Variants in CACNA1S observed in about 807,000 individuals in gnomAD.
CACNA1S encodes voltage-dependent L-type calcium channel subunit alpha-1S.
In CACNA1S, 126 loss-of-function variants were observed where a neutral mutation model predicts 207.4. The observed-to-expected ratio is 0.61, with a 90% CI of 0.53 to 0.70. CACNA1S has a LOEUF of 0.70. Ranked by LOEUF, CACNA1S falls within the 30% of genes least tolerant of loss-of-function variation. The pLI is 0.00. For missense variants in CACNA1S, 2,349 were observed against 2,422.8 expected (o/e 0.97, Z 0.64); for synonymous variants, 960 against 932.7 (o/e 1.03, Z -0.53).
In CACNA1S at chr1:201,110,223, C is replaced by A; in HGVS notation, c.199G>T (p.Ala67Ser). 1 of 1,614,176 alleles carries A rather than the reference C, an allele frequency of 6.2e-7. No individual in the cohort carries two copies. The highest frequency in any genetic ancestry group is 8.5e-7 in the Non-Finnish European group (1 of 1,180,014). ...ILLTIFANCVALAVYLPMPED... is the reference protein window; with the variant it reads ...ILLTIFANCVSLAVYLPMPED... ...GGCATGGGCAGGTACACGGCCAGGG[C>A]CACACAATTGGCAAAGATGGTGAGC... Residue 67 changes from alanine to serine, a missense_variant, in exon 2 of 44, where the codon GCC becomes TCC. Transcript: ENST00000362061.
At position 201,061,418 on chromosome 1, in the gene CACNA1S, T is replaced by A. The variant is rs760744156; in HGVS notation, c.3104A>T (p.Tyr1035Phe). The A allele has an allele frequency of 2.4e-5, 39 of 1,614,176 alleles. 1 individual carries two copies. Among genetic ancestry groups the A allele is most frequent in the Non-Finnish European group, 3.3e-5 (39 of 1,179,996 alleles). Residue 1035 changes from tyrosine (Y) to phenylalanine (F), a missense_variant, in exon 25 of 44, where the codon TAC becomes TTC. By Grantham distance (22) the Tyr-to-Phe change is conservative. Transcript: ENST00000362061. Reference protein sequence around the residue: ...DSNAEDVGPIYNNRVEMAIFF... With the variant: ...DSNAEDVGPIFNNRVEMAIFF... ...GATGGCCATCTCCACACGGTTGTTGTAGATGGGACCCACGTCCTCCGCATT... is the reference window on the plus strand; with the variant it reads ...GATGGCCATCTCCACACGGTTGTTGAAGATGGGACCCACGTCCTCCGCATT...
intron 27 of CACNA1S, among the ~76,000 whole-genome samples, 173 bp from the exon 28 acceptor site, chr1:201,058,664 A>G (rs1660934466): frequency 6.6e-6 from 1 of 152,092 alleles, no homozygotes; most frequent in African/African-American, 2.4e-5. Flanking sequence ...CCCCAACTCC[A>G]ACACTCCTCT....
intron 2 of CACNA1S, among the ~76,000 whole-genome samples, chr1:201,105,813 T>C (rs1662856524): frequency 6.6e-6 from 1 of 152,114 alleles, no homozygotes; most frequent in African/African-American, 2.4e-5. Flanking sequence ...AGAAGGGATA[T>C]GGAGGGACAC....
At chr1:201,044,994 C>A (rs1660427885) in intron 38 of CACNA1S, among the ~76,000 whole-genome samples, 1 of 152,138 alleles carries the variant, frequency 6.6e-6, no homozygotes, top group South Asian at 2.1e-4. Flanking sequence ...ATCTCTTGAC[C>A]CCATGGGTGG....
Position 201,053,604 on chromosome 1 carries a change from C to T in CACNA1S, c.3667-17G>A. On this transcript the variant is annotated splice_polypyrimidine_tract_variant and intron_variant, in intron 29 of 43. Coordinates refer to ENST00000362061, the MANE Select transcript of CACNA1S (RefSeq NM_000069.3). This position sits in a 1 kb window ranked among gnomAD's most constrained non-coding sequence, Gnocchi z 5.1. The stretch of plus-strand genomic sequence containing the variant: ...ATCTGGGTCCTGCGGGGCAGCAGCC[C>T]CAGAGGTCAGTCTGGGGGCAGAACC... 6.2e-7 allele frequency: 1 copy of T among 1,612,922 alleles called. No homozygotes were observed.
chr1:201,061,291 C>CTT lies in CACNA1S; in HGVS notation c.3229_3230dup (p.Asn1078ArgfsTer17), dbSNP rs1558062249. On this transcript the variant is annotated frameshift_variant, in exon 25 of 44. Transcript: ENST00000362061. LOFTEE classifies it high-confidence loss of function. ...CCTGGTTCTTGTCCAGCTCACAGTT[C>CTT]TTGTACTCAGTCTCTCCCTGCTCCT... The CTT allele has an allele frequency of 6.2e-7, 1 of 1,614,176 alleles. No individual in the cohort carries two copies. The highest frequency in any genetic ancestry group is 1.7e-5 in the Admixed American group (1 of 60,032).
Position 201,040,533 on chromosome 1 carries a change from C to G in CACNA1S, c.5226+89G>C, listed in dbSNP as rs1475579394. On this transcript the variant is annotated intron_variant, in intron 42 of 43. Transcript: ENST00000362061. ...TGTACTGTTGGACACATTGCTGCCA[C>G]AGCCTTCCCCTGCCATGATCCCACT... 5 of 1,434,864 alleles carry G rather than the reference C, an allele frequency of 3.5e-6. No homozygotes were observed. The East Asian group carries it at 9.1e-5, about 26-fold the overall frequency. 88.9% of individuals were successfully genotyped at this position (1,434,864 alleles called of 1,614,324 possible).
At chr1:201,094,083 T>C in intron 2 of CACNA1S, 62 bp from the exon 3 acceptor site, 1 of 1,606,572 alleles carries the variant, frequency 6.2e-7, no homozygotes, top group Non-Finnish European at 8.5e-7. Context: ...CTTGCTCTCT[T>C]CCCTGCAGCC....
Position 201,065,908 on chromosome 1 carries a change from A to G in CACNA1S, c.2783T>C (p.Ile928Thr). 1 of 1,614,026 alleles carries G rather than the reference A, an allele frequency of 6.2e-7. No individual in the cohort carries two copies. The highest frequency in any genetic ancestry group is 8.5e-7 in the Non-Finnish European group (1 of 1,179,946). ...GGTAGTGACCAGCACGATGTTCCCGATGGTGCTGATGGCCACGAACATGCA... is the reference window on the plus strand; with the variant it reads ...GGTAGTGACCAGCACGATGTTCCCGGTGGTGCTGATGGCCACGAACATGCA... ...VQCMFVAIST[I>T]GNIVLVTTLL... is the part of the protein sequence containing the mutation. Residue 928 changes from isoleucine (I) to threonine (T), a missense_variant, in exon 22 of 44, where the codon ATC (isoleucine) becomes ACC (threonine). Transcript: ENST00000362061.
intron 9 of CACNA1S, among the ~76,000 whole-genome samples, chr1:201,084,255 C>G (rs1027225430): frequency 6.6e-6 from 1 of 152,110 alleles, no homozygotes; most frequent in African/African-American, 2.4e-5. Context: ...TTAACATAAA[C>G]AACCCCATTA....
chr1:201,057,840 T>C (rs1415276439), intron 28 of CACNA1S, among the ~76,000 whole-genome samples: 2 of 152,154 alleles, frequency 1.3e-5, no homozygotes, highest in African/African-American at 4.8e-5. Context: ...AGGACTCTAA[T>C]CCTCCCACTG....
At chr1:201,107,530 C>T (rs1384993608) in intron 2 of CACNA1S, among the ~76,000 whole-genome samples, 3 of 152,184 alleles carry the variant, frequency 2.0e-5, no homozygotes, top group African/African-American at 7.2e-5. Context: ...CCAGTATGTG[C>T]CAGGGATGTG....
intron 1 of CACNA1S, among the ~76,000 whole-genome samples, chr1:201,110,723 G>C (rs1006954188): frequency 2.0e-5 from 3 of 152,218 alleles, no homozygotes; most frequent in Non-Finnish European, 2.9e-5. Context: ...AACTCACTGA[G>C]TAGGACTGGG....
intron 7 of CACNA1S, 126 bp downstream of exon 7, chr1:201,087,700 T>C (rs1419141114): frequency 1.4e-6 from 1 of 704,252 alleles, no homozygotes; most frequent in East Asian, 2.7e-5. Flanking sequence ...TCCTCCCTTC[T>C]CTCCTCCTCC....
At chr1:201,101,488 C>A (rs183814001) in intron 2 of CACNA1S, among the ~76,000 whole-genome samples, 1 of 152,354 alleles carries the variant, frequency 6.6e-6, no homozygotes, top group Non-Finnish European at 1.5e-5. Context: ...CGTTTAGCAA[C>A]TTTGACACAG....
intron 2 of CACNA1S, among the ~76,000 whole-genome samples, chr1:201,094,952 T>G (rs1662363607): frequency 6.6e-6 from 1 of 152,076 alleles, no homozygotes; most frequent in South Asian, 2.1e-4. Flanking sequence ...CAAGTCTCTC[T>G]TGTCAGGACT....
At chr1:201,042,830 T>G (rs1425351591) in intron 40 of CACNA1S, 1 of 182,170 alleles carries the variant, frequency 5.5e-6, no homozygotes, top group East Asian at 1.4e-4. Context: ...TTTATGACAC[T>G]TACGTAATCA....
At chr1:201,077,797 C>A (rs1194841589) in intron 11 of CACNA1S, 82 bp downstream of exon 11, 10 of 927,744 alleles carry the variant, frequency 1.1e-5, no homozygotes, top group Non-Finnish European at 1.5e-5. Context: ...TCCCAGACCT[C>A]AGGAAATGAG....
chr1:201,052,689 A>C, intron 31 of CACNA1S, 41 bp from the exon 32 acceptor site: 1 of 1,503,818 alleles, frequency 6.6e-7, no homozygotes, highest in Non-Finnish European at 9.3e-7. Context: ...ACCTAGATTA[A>C]AGTGTCCCCT....
Sources: gnomAD v4.1 joint callset for allele counts (sites outside exome capture counted in the v4.1 genomes callset) on GRCh38, gnomAD v4.1.1 for gene constraint, Gnocchi (gnomAD v3.1) non-coding constraint, MANE v1.5 for transcripts, NCBI Gene and HGNC (gene_info 2026-07-23, HGNC 2026-07-21) for gene names.